SHROOM3: variants seen among roughly 807,000 people sequenced by gnomAD.
SHROOM3 encodes the protein shroom family member 3, also known as protein Shroom3.
Under a neutral mutation model 138.6 loss-of-function variants are expected in SHROOM3, and 47 were observed. The ratio of observed to expected loss-of-function variants is 0.34; its 90% CI spans 0.27 to 0.43. The LOEUF (loss-of-function observed/expected upper bound fraction) is 0.43, where lower values mean the gene tolerates loss of function less well. Ranked by LOEUF, SHROOM3 falls within the 20% of genes least tolerant of loss-of-function variation. The pLI is 1.00. For synonymous variants in SHROOM3, 1,062 were observed against 1,063.3 expected (o/e 1.00, Z 0.02); for missense variants, 2,491 against 2,596.5 (o/e 0.96, Z 0.88).
At chr4:76,734,935 T>C (rs1720991090) in intron 4 of SHROOM3, among the ~76,000 whole-genome samples, 1 of 152,118 alleles carries the variant, frequency 6.6e-6, no homozygotes, top group Non-Finnish European at 1.5e-5. Context: ...GGAGGTCCTC[T>C]CTGAATGAAG....
At chr4:76,594,694 G>A (rs1477040036) in intron 2 of SHROOM3, among the ~76,000 whole-genome samples, 1 of 152,200 alleles carries the variant, frequency 6.6e-6, no homozygotes, top group African/African-American at 2.4e-5. Flanking sequence ...CACCTGCTAT[G>A]TGACAATTGG....
At chr4:76,567,507 G>A (rs369654910) in intron 2 of SHROOM3, among the ~76,000 whole-genome samples, 3 of 152,062 alleles carry the variant, frequency 2.0e-5, no homozygotes, top group Non-Finnish European at 4.4e-5. Flanking sequence ...AAAATTAGCC[G>A]GGCGTCGTGG....
Position 76,755,159 on chromosome 4 carries a change from T to A in SHROOM3, c.4676T>A (p.Leu1559Gln), listed in dbSNP as rs760459892. ...CCCCACACTGTATGTGAGGCGCAGC[T>A]GGACAGTGAGGATCCCGAGGGGCCA... Reference protein sequence around the residue: ...PPPHTVCEAQLDSEDPEGPRP... With the variant: ...PPPHTVCEAQQDSEDPEGPRP... The change falls in exon 7 of 11, where the codon CTG becomes CAG. Residue 1559 changes from leucine (L) to glutamine (Q), a missense_variant. Leu to Gln is a moderately radical substitution (Grantham distance 113). Coordinates refer to ENST00000296043, the MANE Select transcript of SHROOM3 (RefSeq NM_020859.4). 24 of 1,612,764 alleles carry A rather than the reference T, an allele frequency of 1.5e-5. No homozygotes were observed. Among genetic ancestry groups the A allele is most frequent in the Non-Finnish European group, 1.9e-5 (23 of 1,179,852 alleles).
intron 1 of SHROOM3, among the ~76,000 whole-genome samples, chr4:76,468,760 T>C (rs1417868410): frequency 6.6e-6 from 1 of 152,108 alleles, no homozygotes; most frequent in Non-Finnish European, 1.5e-5. Flanking sequence ...CCTGGCGCGG[T>C]AGCTCACACC....
intron 2 of SHROOM3, among the ~76,000 whole-genome samples, chr4:76,676,944 C>CAAAAAAAAAAAA (rs58270392): frequency 1.4e-4 from 11 of 79,042 alleles, no homozygotes; most frequent in African/African-American, 5.1e-4. Context: ...CTCCGTCTCA[C>CAAAAAAAAAAAA]AAAAAAAAAA....
chr4:76,581,889 G>T (rs1734060128), intron 2 of SHROOM3, among the ~76,000 whole-genome samples: 1 of 152,116 alleles, frequency 6.6e-6, no homozygotes, highest in African/African-American at 2.4e-5. Context: ...CTTGGACCTG[G>T]TCTCTACCCT....
intron 1 of SHROOM3, among the ~76,000 whole-genome samples, chr4:76,480,214 C>A (rs1309581933): frequency 6.6e-6 from 1 of 152,136 alleles, no homozygotes; most frequent in Admixed American, 6.5e-5. Flanking sequence ...AGAGTCAAGA[C>A]CCATCGGTGT....
At chr4:76,496,843 T>G (rs1731977997) in intron 1 of SHROOM3, among the ~76,000 whole-genome samples, 1 of 152,204 alleles carries the variant, frequency 6.6e-6, no homozygotes, top group African/African-American at 2.4e-5. Context: ...AGAGTCCACT[T>G]CTGTATTATA....
At chr4:76,706,636 A>G (rs1159107413) in intron 2 of SHROOM3, among the ~76,000 whole-genome samples, 1 of 152,156 alleles carries the variant, frequency 6.6e-6, no homozygotes, top group Non-Finnish European at 1.5e-5. Context: ...GTTTGAAAAA[A>G]ATCTGCGTAT....
chr4:76,612,104 C>T (rs1225052396), intron 2 of SHROOM3, among the ~76,000 whole-genome samples: 2 of 152,276 alleles, frequency 1.3e-5, no homozygotes, highest in Admixed American at 6.5e-5. Flanking sequence ...ACTCTAAACC[C>T]GCTCAGAGGG....
At chr4:76,491,562 C>T (rs918317640) in intron 1 of SHROOM3, among the ~76,000 whole-genome samples, 11 of 152,304 alleles carry the variant, frequency 7.2e-5, no homozygotes, top group Admixed American at 4.6e-4. Context: ...AAACCTCTTC[C>T]TGCTTTGGGT....
intron 1 of SHROOM3, among the ~76,000 whole-genome samples, chr4:76,510,997 A>T (rs895803331): frequency 4.6e-5 from 7 of 152,090 alleles, no homozygotes; most frequent in African/African-American, 1.4e-4. Flanking sequence ...CCTGGCCAAC[A>T]TGGTGAAACC....
intron 1 of SHROOM3, among the ~76,000 whole-genome samples, chr4:76,463,909 G>C (rs1268628874): frequency 6.6e-6 from 1 of 152,250 alleles, no homozygotes; most frequent in African/African-American, 2.4e-5. Context: ...GAAATTCCTG[G>C]ATGTCCAGGT....
At chr4:76,461,093 C>T (rs1378752701) in intron 1 of SHROOM3, among the ~76,000 whole-genome samples, 1 of 151,870 alleles carries the variant, frequency 6.6e-6, no homozygotes, top group African/African-American at 2.4e-5. Context: ...AACTTAATCA[C>T]CTCTTTAAAA....
intron 2 of SHROOM3, among the ~76,000 whole-genome samples, chr4:76,642,388 C>T (rs751448723): frequency 6.6e-6 from 1 of 152,108 alleles, no homozygotes; most frequent in Non-Finnish European, 1.5e-5. Context: ...TTGAGGTGTT[C>T]AAGGAATTCA....
At chr4:76,759,407 C>A in intron 8 of SHROOM3, 138 bp from the exon 9 acceptor site, 1 of 1,162,770 alleles carries the variant, frequency 8.6e-7, no homozygotes, top group Non-Finnish European at 1.3e-6. Flanking sequence ...CATTAGTTAA[C>A]AGTTACTAGT....
intron 2 of SHROOM3, among the ~76,000 whole-genome samples, chr4:76,669,007 G>A (rs997833845): frequency 1.3e-5 from 2 of 152,106 alleles, no homozygotes; most frequent in Admixed American, 1.3e-4. Flanking sequence ...TAACTAAACA[G>A]CCAATGGTAT....
intron 2 of SHROOM3, among the ~76,000 whole-genome samples, chr4:76,573,885 C>A (rs1051503655): frequency 6.6e-6 from 1 of 151,688 alleles, no homozygotes; most frequent in African/African-American, 2.4e-5. Context: ...TGCAAGTCTG[C>A]TGGTTGCCGT....
chr4:76,619,995 G>T (rs1187952503), intron 2 of SHROOM3, among the ~76,000 whole-genome samples: 1 of 150,476 alleles, frequency 6.6e-6, no homozygotes, highest in African/African-American at 2.5e-5. Flanking sequence ...CTGGTGGAGG[G>T]GAGAGGCAGG....
Sources: gnomAD v4.1 joint callset for allele counts (sites outside exome capture counted in the v4.1 genomes callset) on GRCh38, gnomAD v4.1.1 for gene constraint, MANE v1.5 for transcripts, NCBI Gene and HGNC (gene_info 2026-07-23, HGNC 2026-07-21) for gene names.